Variants in MYO9B observed in about 807,000 individuals in gnomAD.
MYO9B encodes the protein unconventional myosin-IXb.
In MYO9B, 71 loss-of-function variants were observed where a neutral mutation model predicts 229.5. The ratio of observed to expected loss-of-function variants is 0.31; its 90% CI spans 0.26 to 0.38. MYO9B has a LOEUF of 0.38. Ranked by LOEUF, MYO9B falls within the 10% of genes least tolerant of loss-of-function variation. The pLI is 1.00. For missense variants in MYO9B, 2,255 were observed against 2,920.5 expected, an observed-to-expected ratio of 0.77 and a Z score of 5.25; for synonymous variants, 1,185 against 1,235.8, an observed-to-expected ratio of 0.96 and a Z score of 0.86.
At chr19:17,104,979 A>G (rs2057779375) in intron 2 of MYO9B, among the ~76,000 whole-genome samples, 1 of 152,130 alleles carries the variant, frequency 6.6e-6, no homozygotes, top group African/African-American at 2.4e-5. Flanking sequence ...ACAAAAGTAT[A>G]ATGAATGTGT....
At chr19:17,209,347 C>T (rs141090467) in intron 35 of MYO9B, among the ~76,000 whole-genome samples, 108 of 152,352 alleles carry the variant, frequency 7.1e-4, no homozygotes, top group African/African-American at 2.5e-3. Context: ...CTAAGGGGTT[C>T]AGTTCACTCT....
intron 35 of MYO9B, among the ~76,000 whole-genome samples, chr19:17,208,532 C>T (rs1031757655): frequency 6.6e-6 from 1 of 151,418 alleles, no homozygotes; most frequent in Non-Finnish European, 1.5e-5. Flanking sequence ...CCCGGGTTCA[C>T]GCCATTCTCC....
At chr19:17,146,276 C>T (rs2072410357) in intron 3 of MYO9B, among the ~76,000 whole-genome samples, 1 of 143,134 alleles carries the variant, frequency 7.0e-6, no homozygotes, top group Non-Finnish European at 1.5e-5. Context: ...AGTGGATCTA[C>T]CCATACACTC....
chr19:17,145,529 C>T (rs1277060569), intron 3 of MYO9B, 38 bp downstream of exon 3: 11 of 1,526,932 alleles, frequency 7.2e-6, no homozygotes, highest in African/African-American at 5.5e-5. Flanking sequence ...TGGGAGCTGG[C>T]CCCACGCACT....
At chr19:17,117,937 C>CA (rs567862829) in intron 2 of MYO9B, among the ~76,000 whole-genome samples, 42,939 of 91,102 alleles carry the variant, frequency 0.47, 10,658 homozygotes, top group South Asian at 0.66. Flanking sequence ...CACTCTTCCT[C>CA]AAAAAAAAAA....
In MYO9B at chr19:17,195,235, G is replaced by A. The variant is rs531131898; in HGVS notation, c.3808G>A (p.Glu1270Lys). The A allele has an allele frequency of 8.1e-6, 13 of 1,611,904 alleles. No individual in the cohort carries two copies. Among genetic ancestry groups the A allele is most frequent in the Middle Eastern group, 1.6e-4 (1 of 6,084 alleles). ...VSPPAPGSAP[E>K]TPEDKSKPCG... ...CCCACCGGCCCCTGGCAGCGCCCCCGAGACCCCCGAGGACAAGAGCAAACC... is the reference window on the plus strand; with the variant it reads ...CCCACCGGCCCCTGGCAGCGCCCCCAAGACCCCCGAGGACAAGAGCAAACC... Residue 1270 changes from glutamate (E) to lysine (K), a missense_variant, in exon 22 of 40, where the codon GAG becomes AAG. Glu to Lys is a moderately conservative substitution (Grantham distance 56). Transcript: ENST00000682292. The surrounding 1 kb of genome is among the most constrained non-coding windows in gnomAD (Gnocchi z 4.5).
At chr19:17,202,443 C>A in intron 28 of MYO9B, 140 bp downstream of exon 28, 1 of 872,090 alleles carries the variant, frequency 1.1e-6, no homozygotes, top group Non-Finnish European at 1.7e-6. Flanking sequence ...GCCACTGTGC[C>A]ATGACTTGAT....
intron 31 of MYO9B, 81 bp downstream of exon 31, chr19:17,205,417 G>A (rs1215901008): frequency 5.8e-6 from 8 of 1,389,218 alleles, no homozygotes; most frequent in Non-Finnish European, 8.1e-6. Flanking sequence ...CTTGATGTGA[G>A]GGCCAAGCGA....
intron 30 of MYO9B, among the ~76,000 whole-genome samples, chr19:17,204,769 G>A (rs149961343): frequency 0.026 from 3,997 of 152,142 alleles, 168 homozygotes; most frequent in African/African-American, 0.085. Context: ...GGGAGGTCAA[G>A]GCTCCAGTGA....
Position 17,075,870 on chromosome 19 carries a change from G to A in MYO9B, c.-63G>A, listed in dbSNP as rs2057476586. On this transcript the variant is annotated 5_prime_UTR_variant, in exon 1 of 40. Coordinates refer to ENST00000682292, the MANE Select transcript of MYO9B (RefSeq NM_004145.4). ...GGACCGGCGGCGCGCGGCGGCCGAG[G>A]CCAGGTGAGTACCAGGCAGCCTCGG... 6.6e-6 allele frequency: 1 copy of A among 151,212 alleles called. No individual in the cohort carries two copies. The highest frequency in any genetic ancestry group is 1.5e-5 in the Non-Finnish European group (1 of 67,358). The allele number at this position is 151,212 out of a possible 1,614,324, so 9.4% of individuals were successfully genotyped here. A position where few individuals can be genotyped will look rare whatever the true frequency, so the allele number is the denominator to read the frequency against.
At chr19:17,158,685 G>T (rs903878235) in intron 7 of MYO9B, among the ~76,000 whole-genome samples, 6 of 152,158 alleles carry the variant, frequency 3.9e-5, no homozygotes, top group South Asian at 4.1e-4. Flanking sequence ...GCTTGGCAGT[G>T]CGGGGAGGGA....
Position 17,094,154 on chromosome 19 carries a change from GC to G in MYO9B, c.-58-7504del, listed in dbSNP as rs2057666719. ...GAGTTCAAGGGATTCTCCTGCCTCA[GC>G]CTCCCGAGTAGCTGGGATTACAGGC... On this transcript the variant is annotated intron_variant, in intron 1 of 39. Coordinates refer to ENST00000682292, the MANE Select transcript of MYO9B (RefSeq NM_004145.4). Among the ~76,000 whole-genome samples, 9 of 152,184 alleles carry G rather than the reference GC, an allele frequency of 5.9e-5. No homozygotes were observed. In the South Asian group the frequency reaches 1.9e-3, roughly 32 times the overall value.
At chr19:17,145,318 AC>A (rs1410903336) in intron 2 of MYO9B, 78 bp from the exon 3 acceptor site, 3 of 1,233,414 alleles carry the variant, frequency 2.4e-6, no homozygotes, top group Non-Finnish European at 3.5e-6. Context: ...ATATAAAAGC[AC>A]AGTGTAAAAT....
At position 17,193,210 on chromosome 19, in the gene MYO9B, C is replaced by A; in HGVS notation, c.3128+148C>A. 1 of 939,148 alleles carries A rather than the reference C, an allele frequency of 1.1e-6. No individual in the cohort carries two copies. The highest frequency in any genetic ancestry group is 1.5e-6 in the Non-Finnish European group (1 of 668,670). The allele number at this position is 939,148 out of a possible 1,614,324, so 58.2% of individuals were successfully genotyped here. A position where few individuals can be genotyped will look rare whatever the true frequency, so the allele number is the denominator to read the frequency against. ...GGAAAGGCTGGTGGGAAACCAGATG[C>A]CTAGGCACTCATGGGCTGCAGAGAA... On this transcript the variant is annotated intron_variant, in intron 21 of 39. Coordinates refer to ENST00000682292, the MANE Select transcript of MYO9B (RefSeq NM_004145.4). The surrounding 1 kb of genome is among the most constrained non-coding windows in gnomAD (Gnocchi z 4.3).
intron 18 of MYO9B, among the ~76,000 whole-genome samples, chr19:17,187,160 G>A (rs1312439363): frequency 1.3e-5 from 2 of 152,206 alleles, no homozygotes; most frequent in Non-Finnish European, 2.9e-5. Flanking sequence ...CTGGCAGGAA[G>A]CATCTCCCTG....
chr19:17,179,312 G>A (rs2072828108), intron 14 of MYO9B, among the ~76,000 whole-genome samples: 1 of 151,766 alleles, frequency 6.6e-6, no homozygotes, highest in Admixed American at 6.6e-5. Context: ...AGGCCTTAAT[G>A]AAGCCAACAA....
At position 17,202,105 on chromosome 19, in the gene MYO9B, AG is replaced by A. The variant is rs754519160; in HGVS notation, c.4663-22del. The A allele has an allele frequency of 4.0e-5, 65 of 1,612,782 alleles. No individual in the cohort carries two copies. In the African/African-American group the frequency reaches 8.3e-4, roughly 21 times the overall value. ...CCATCCGCCCCTTGCCCAGGCCTGCAGGGTGACGCCTAGCATTCCTACAGAA... is the reference window on the plus strand; with the variant it reads ...CCATCCGCCCCTTGCCCAGGCCTGCAGGTGACGCCTAGCATTCCTACAGAA... On this transcript the variant is annotated intron_variant, in intron 27 of 39. Coordinates refer to ENST00000682292, the MANE Select transcript of MYO9B (RefSeq NM_004145.4).
Position 17,101,049 on chromosome 19 carries a change from G to A in MYO9B, c.-58-611G>A, listed in dbSNP as rs2057740185. On this transcript the variant is annotated intron_variant, in intron 1 of 39. Transcript: ENST00000682292. The surrounding 1 kb of genome is among the most constrained non-coding windows in gnomAD (Gnocchi z 4.7). ...GCTGGGAAGGGCATAGCAGAAAGAG[G>A]GTCATGGCTTGTTGGGCTTCAGGAT... Among the ~76,000 whole-genome samples the A allele has an allele frequency of 6.6e-6, 1 of 151,246 alleles. No individual in the cohort carries two copies. The highest frequency in any genetic ancestry group is 6.6e-5 in the Admixed American group (1 of 15,098).
rs551817437 is a variant in MYO9B at position 17,125,001 on chromosome 19, T to C, written c.841-20396T>C. Among the ~76,000 whole-genome samples the C allele has an allele frequency of 3.9e-5, 6 of 152,028 alleles. No homozygotes were observed. In the South Asian group the frequency reaches 1.2e-3, roughly 32 times the overall value. The stretch of plus-strand genomic sequence containing the variant: ...ACCCCCAAAGAGAATGATTTGGGCA[T>C]CAAATGGGCAAGATGAGGCCAGCTG... On this transcript the variant is annotated intron_variant, in intron 2 of 39. Coordinates refer to ENST00000682292, the MANE Select transcript of MYO9B (RefSeq NM_004145.4).
Sources: gnomAD v4.1 joint callset for allele counts (sites outside exome capture counted in the v4.1 genomes callset) on GRCh38, gnomAD v4.1.1 for gene constraint, Gnocchi (gnomAD v3.1) non-coding constraint, MANE v1.5 for transcripts, NCBI Gene and HGNC (gene_info 2026-07-23, HGNC 2026-07-21) for gene names.